ECE2: variants seen among roughly 807,000 people sequenced by gnomAD.
ECE2 encodes endothelin converting enzyme 2.
In ECE2, 81 loss-of-function variants were observed where a neutral mutation model predicts 100.6. That is an observed-to-expected ratio of 0.81 (90% confidence interval 0.67 to 0.97). ECE2 has a LOEUF of 0.97. Among genes scored for constraint, ECE2 ranks in the 50% least tolerant of loss-of-function variants. The pLI is 0.00. For synonymous variants in ECE2, 391 were observed against 391.5 expected (o/e 1.00, Z 0.02); for missense variants, 911 against 988.1 (o/e 0.92, Z 1.05).
chr3:184,285,168 T>G, intron 9 of ECE2, 63 bp downstream of exon 9: 1 of 1,571,804 alleles, frequency 6.4e-7, no homozygotes, highest in Non-Finnish European at 8.6e-7. Context: ...CTGGGCATAA[T>G]GGACAGGCCC....
In ECE2 at chr3:184,291,339, C is replaced by G. The variant is rs1374588265; in HGVS notation, c.2026-5C>G. ...TGGGCTTGTTGCCCACTGTTCTGTC[C>G]CCAGGCTTACAAAGCATGGCTGAGA... On this transcript the variant is annotated splice_region_variant and splice_polypyrimidine_tract_variant and intron_variant, in intron 17 of 18. Coordinates refer to ENST00000404464, the MANE Select transcript of ECE2 (RefSeq NM_001100121.2). The surrounding 1 kb of genome is among the most constrained non-coding windows in gnomAD (Gnocchi z 4.1). 2.5e-6 allele frequency: 4 copies of G among 1,603,958 alleles called. No homozygotes were observed. Among genetic ancestry groups the G allele is most frequent in the Non-Finnish European group, 2.6e-6 (3 of 1,174,396 alleles).
At position 184,285,181 on chromosome 3, in the gene ECE2, C is replaced by G. The variant is rs1209547745; in HGVS notation, c.1148+76C>G. 3 of 1,538,866 alleles carry G rather than the reference C, an allele frequency of 1.9e-6. No homozygotes were observed. In the African/African-American group the frequency reaches 4.2e-5, roughly 21 times the overall value. ...GGCTGGGCATAATGGACAGGCCCAG[C>G]CACACAGAACAACATTTGGTAATGC... On this transcript the variant is annotated intron_variant, in intron 9 of 18. Transcript: ENST00000404464.
intron 8 of ECE2, among the ~76,000 whole-genome samples, chr3:184,284,381 A>G (rs1048471961): frequency 2.0e-5 from 3 of 152,068 alleles, no homozygotes; most frequent in African/African-American, 7.2e-5. Flanking sequence ...CATCTCTACT[A>G]AAAATAAAAA....
At chr3:184,276,709 A>G in intron 2 of ECE2, 142 bp downstream of exon 2, 1 of 1,538,002 alleles carries the variant, frequency 6.5e-7, no homozygotes, top group Non-Finnish European at 8.8e-7. Context: ...GACTATGGTG[A>G]GGCGATGCTA....
At chr3:184,290,179 T>C in intron 13 of ECE2, 76 bp from the exon 14 acceptor site, 2 of 1,198,620 alleles carry the variant, frequency 1.7e-6, no homozygotes, top group Non-Finnish European at 1.2e-6. Flanking sequence ...GAGATACTAA[T>C]GAGTAGCCAA....
chr3:184,285,598 C>A lies in ECE2; in HGVS notation c.1263+6C>A. 3.7e-6 allele frequency: 6 copies of A among 1,607,264 alleles called. No homozygotes were observed. Among genetic ancestry groups the A allele is most frequent in the Non-Finnish European group, 4.3e-6 (5 of 1,173,766 alleles). ...CCCTCTATGGCACTAAGAAGGTGGG[C>A]TTTCTGATTTTGCCTCCACGTTCTG... On this transcript the variant is annotated splice_donor_region_variant and intron_variant, in intron 10 of 18. Coordinates refer to ENST00000404464, the MANE Select transcript of ECE2 (RefSeq NM_001100121.2).
chr3:184,283,669 A>G (rs1453261590), intron 7 of ECE2, 116 bp from the exon 8 acceptor site: 39 of 1,052,904 alleles, frequency 3.7e-5, no homozygotes, highest in Non-Finnish European at 4.5e-5. Flanking sequence ...GTCATCCAGA[A>G]AGGCTTCCAG....
intron 8 of ECE2, 138 bp from the exon 9 acceptor site, chr3:184,284,825 A>G (rs1323485340): frequency 1.2e-5 from 14 of 1,167,188 alleles, no homozygotes; most frequent in Non-Finnish European, 1.5e-5. Flanking sequence ...AAAAGGGTAT[A>G]TTACAGGAAG....
At chr3:184,281,424 A>G (rs74538000) in intron 7 of ECE2, among the ~76,000 whole-genome samples, 1,944 of 152,314 alleles carry the variant, frequency 0.013, 45 homozygotes, top group African/African-American at 0.044. Context: ...AAAGGCTCCA[A>G]GGTGGGAAGG....
In ECE2 at chr3:184,289,600, A is replaced by G. The variant is rs1400934726; in HGVS notation, c.1474-41A>G. 1 of 1,613,416 alleles carries G rather than the reference A, an allele frequency of 6.2e-7. No individual in the cohort carries two copies. On this transcript the variant is annotated intron_variant, in intron 12 of 18. Transcript: ENST00000404464. The surrounding 1 kb of genome is among the most constrained non-coding windows in gnomAD (Gnocchi z 4.1). Reference sequence around the variant, plus strand: ...GGTTCAAGGATACAGTTTTGCTAGGAACCTGGGGAAGGAAACAAACCCTTA... The same window carrying G: ...GGTTCAAGGATACAGTTTTGCTAGGGACCTGGGGAAGGAAACAAACCCTTA...
At position 184,276,061 on chromosome 3, in the gene ECE2, G is replaced by A; in HGVS notation, c.-93G>A. On this transcript the variant is annotated 5_prime_UTR_variant, in exon 1 of 19. Transcript: ENST00000404464. ...GTGCTGCGCGGCGGCCGTGATGGCT[G>A]GTGACGGCGGGGCCGGGCAGGGGAC... 1.7e-6 allele frequency: 2 copies of A among 1,196,126 alleles called. No homozygotes were observed. The highest frequency in any genetic ancestry group is 2.1e-6 in the Non-Finnish European group (2 of 964,994). The allele number at this position is 1,196,126 out of a possible 1,614,324, so 74.1% of individuals were successfully genotyped here. A position where few individuals can be genotyped will look rare whatever the true frequency, so the allele number is the denominator to read the frequency against.
At chr3:184,276,770 T>A in intron 2 of ECE2, 122 bp from the exon 3 acceptor site, 1 of 1,558,592 alleles carries the variant, frequency 6.4e-7, no homozygotes. Context: ...CTGGCTGGCC[T>A]CATTGCCCCC....
Position 184,278,041 on chromosome 3 carries a change from A to T in ECE2, c.595A>T (p.Ile199Phe). The change falls in exon 5 of 19, where the codon ATT (isoleucine) becomes TTT (phenylalanine). Residue 199 changes from isoleucine (I) to phenylalanine (F), a missense_variant. Physicochemically the swap from Ile to Phe is conservative, Grantham distance 21. Transcript: ENST00000404464. ...GGGAGCCCAGCCACTGAGAGACCTC[A>T]TTGAGAAGGTAGGGCCACTGAGCCG... ...ELGAQPLRDL[I>F]EKIGGWNITG... The T allele has an allele frequency of 1.9e-6, 3 of 1,614,012 alleles. No individual in the cohort carries two copies. Among genetic ancestry groups the T allele is most frequent in the Non-Finnish European group, 2.5e-6 (3 of 1,179,986 alleles).
chr3:184,285,076 G>A lies in ECE2; in HGVS notation c.1119G>A (p.Val373=). 5 of 1,614,180 alleles carry A rather than the reference G, an allele frequency of 3.1e-6. No homozygotes were observed. Among genetic ancestry groups the A allele is most frequent in the Non-Finnish European group, 4.2e-6 (5 of 1,180,026 alleles). ...VVYGMDYLQQ[V]SELINRTEPS... ...ATGGGATGGATTATTTGCAGCAGGT[G>A]TCAGAGCTCATCAACCGCACGGAAC... Residue 373 remains valine (V), a synonymous_variant, in exon 9 of 19, where the codon GTG becomes GTA. Transcript: ENST00000404464.
At chr3:184,287,421 G>A (rs1721105337) in intron 10 of ECE2, among the ~76,000 whole-genome samples, 1 of 152,144 alleles carries the variant, frequency 6.6e-6, no homozygotes, top group Admixed American at 6.5e-5. Flanking sequence ...GCCGGGCACG[G>A]TGGCTCATGC....
Position 184,291,492 on chromosome 3 carries a change from G to A in ECE2, c.2121+53G>A. On this transcript the variant is annotated intron_variant, in intron 18 of 18. Coordinates refer to ENST00000404464, the MANE Select transcript of ECE2 (RefSeq NM_001100121.2). This position sits in a 1 kb window ranked among gnomAD's most constrained non-coding sequence, Gnocchi z 4.1. ...CTGCCCCTTTGTCCTGCTCCCTCCT[G>A]AGTATGTCATTAGGAGAACTCTGGG... The A allele has an allele frequency of 6.8e-7, 1 of 1,463,096 alleles. No homozygotes were observed. The highest frequency in any genetic ancestry group is 1.4e-5 in the South Asian group (1 of 72,164). 90.6% of individuals were successfully genotyped at this position (1,463,096 alleles called of 1,614,324 possible).
At chr3:184,288,898 T>G (rs1356328454) in intron 11 of ECE2, among the ~76,000 whole-genome samples, 1 of 152,176 alleles carries the variant, frequency 6.6e-6, no homozygotes, top group Non-Finnish European at 1.5e-5. Flanking sequence ...GGTTCACGCT[T>G]GTAATCCCAG....
At chr3:184,282,673 G>C (rs1038812617) in intron 7 of ECE2, among the ~76,000 whole-genome samples, 19 of 152,152 alleles carry the variant, frequency 1.2e-4, no homozygotes, top group African/African-American at 4.6e-4. Flanking sequence ...GGCCAGGGCC[G>C]CCATGGCCCT....
At position 184,276,101 on chromosome 3, in the gene ECE2, G is replaced by T; in HGVS notation, c.-53G>T. 1 of 1,267,910 alleles carries T rather than the reference G, an allele frequency of 7.9e-7. No individual in the cohort carries two copies. The highest frequency in any genetic ancestry group is 9.9e-7 in the Non-Finnish European group (1 of 1,008,678). The allele number at this position is 1,267,910 out of a possible 1,614,324, so 78.5% of individuals were successfully genotyped here. A position where few individuals can be genotyped will look rare whatever the true frequency, so the allele number is the denominator to read the frequency against. On this transcript the variant is annotated 5_prime_UTR_variant, in exon 1 of 19. Transcript: ENST00000404464. Reference sequence around the variant, plus strand: ...GGGCAGGGGACCGGGGCCGCGGCCCGGGAGCGGGCCAGCTGCCGGGAGCCC... The same window carrying T: ...GGGCAGGGGACCGGGGCCGCGGCCCTGGAGCGGGCCAGCTGCCGGGAGCCC...
Sources: gnomAD v4.1 joint callset for allele counts (sites outside exome capture counted in the v4.1 genomes callset) on GRCh38, gnomAD v4.1.1 for gene constraint, Gnocchi (gnomAD v3.1) non-coding constraint, MANE v1.5 for transcripts, NCBI Gene and HGNC (gene_info 2026-07-23, HGNC 2026-07-21) for gene names.